AGBL4: variants seen among roughly 807,000 people sequenced by gnomAD.
AGBL4 encodes cytosolic carboxypeptidase 6.
A neutral mutation model predicts 66.4 loss-of-function variants in AGBL4; 58 were observed. The observed-to-expected ratio is 0.87, with a 90% CI of 0.71 to 1.09. The LOEUF (loss-of-function observed/expected upper bound fraction) is 1.09, where lower values mean the gene tolerates loss of function less well. AGBL4 is among the 50% of genes least tolerant of loss of function. AGBL4 has a pLI of 0.00. For missense variants in AGBL4, 579 were observed against 631.0 expected (o/e 0.92, Z 0.88); for synonymous variants, 234 against 222.9 (o/e 1.05, Z -0.44).
intron 4 of AGBL4, among the ~76,000 whole-genome samples, chr1:49,183,642 A>G (rs955002287): frequency 6.6e-6 from 1 of 152,168 alleles, no homozygotes; most frequent in Admixed American, 6.5e-5. Flanking sequence ...CCACCCACAC[A>G]ATAGATGCAT....
intron 2 of AGBL4, among the ~76,000 whole-genome samples, chr1:49,790,398 C>T (rs890057877): frequency 6.6e-6 from 1 of 150,590 alleles, no homozygotes; most frequent in South Asian, 2.1e-4. Context: ...TCAGTAAACC[C>T]CAAGCAAGGC....
chr1:49,343,037 T>G (rs1645571517), intron 3 of AGBL4, among the ~76,000 whole-genome samples: 1 of 152,198 alleles, frequency 6.6e-6, no homozygotes, highest in Non-Finnish European at 1.5e-5. Context: ...AACCAAGCTA[T>G]ACATATATTT....
chr1:48,655,480 T>G (rs1320462035), intron 7 of AGBL4, among the ~76,000 whole-genome samples: 1 of 152,192 alleles, frequency 6.6e-6, no homozygotes, highest in Non-Finnish European at 1.5e-5. Context: ...GACCTGAGTT[T>G]GAATCTTAAC....
chr1:49,650,892 C>A (rs563631723), intron 3 of AGBL4, among the ~76,000 whole-genome samples: 1 of 152,286 alleles, frequency 6.6e-6, no homozygotes, highest in Admixed American at 6.5e-5. Context: ...CTGCTGGGGG[C>A]TGACATGAGT....
At chr1:49,283,234 C>G (rs1006901020) in intron 3 of AGBL4, among the ~76,000 whole-genome samples, 1 of 152,204 alleles carries the variant, frequency 6.6e-6, no homozygotes, top group Non-Finnish European at 1.5e-5. Flanking sequence ...AGCAGCCTAA[C>G]TGGGAGGCAC....
At position 48,596,348 on chromosome 1, in the gene AGBL4, C is replaced by T. The variant is rs149615736; in HGVS notation, c.952-5363G>A. On this transcript the variant is annotated intron_variant, in intron 9 of 13. Transcript: ENST00000371839. ...GAGGAGCAAGAAGTGTTGGAGAACT[C>T]CCAGACACATTCCTCCTTCAGATTT... is the stretch of plus-strand genomic sequence containing the variant. Among the ~76,000 whole-genome samples, 893 of 152,226 alleles carry T rather than the reference C, an allele frequency of 5.9e-3. 23 individuals carry two copies. In the South Asian group the frequency reaches 0.077, roughly 13 times the overall value.
At chr1:49,873,722 C>A (rs1418842342) in intron 1 of AGBL4, among the ~76,000 whole-genome samples, 1 of 151,948 alleles carries the variant, frequency 6.6e-6, no homozygotes, top group Non-Finnish European at 1.5e-5. Context: ...TTGAAGCCCT[C>A]AAAATCATCT....
At chr1:49,703,066 A>C (rs961744462) in intron 2 of AGBL4, among the ~76,000 whole-genome samples, 1 of 152,122 alleles carries the variant, frequency 6.6e-6, no homozygotes, top group Non-Finnish European at 1.5e-5. Flanking sequence ...TCTATTCAAA[A>C]TTGTTGTGGA....
intron 9 of AGBL4, among the ~76,000 whole-genome samples, chr1:48,622,576 C>T (rs555616165): frequency 2.0e-5 from 3 of 148,430 alleles, no homozygotes; most frequent in East Asian, 2.0e-4. Context: ...CTCTGCCTCC[C>T]GGGTTCAAGG....
intron 6 of AGBL4, among the ~76,000 whole-genome samples, chr1:48,745,266 A>G (rs1650561259): frequency 6.6e-6 from 1 of 152,166 alleles, no homozygotes; most frequent in Admixed American, 6.5e-5. Flanking sequence ...GGGTAGAGGC[A>G]TGGACAGGTG....
At chr1:49,850,795 A>AT (rs1646284470) in intron 2 of AGBL4, among the ~76,000 whole-genome samples, 1 of 152,136 alleles carries the variant, frequency 6.6e-6, no homozygotes, top group Non-Finnish European at 1.5e-5. Context: ...TATTTTCAAC[A>AT]TATTCTGAGT....
rs1388303758 is a variant in AGBL4, at chr1:49,950,000, A to G, written c.34+73763T>C. The stretch of plus-strand genomic sequence containing the variant: ...CACACATATGTATATATATATGTGT[A>G]TATATATATACACACACATATGTGT... On this transcript the variant is annotated intron_variant, in intron 1 of 13. Coordinates refer to ENST00000371839, the MANE Select transcript of AGBL4 (RefSeq NM_032785.4). Among the ~76,000 whole-genome samples, 17 of 88,376 alleles carry G rather than the reference A, an allele frequency of 1.9e-4. No individual in the cohort carries two copies. The South Asian group carries it at 2.0e-3, about 11-fold the overall frequency. 58.0% of individuals were successfully genotyped at this position (88,376 alleles called of 152,430 possible). A position where few individuals can be genotyped will look rare whatever the true frequency, so the allele number is the denominator to read the frequency against.
chr1:49,151,338 T>C (rs955141899), intron 4 of AGBL4, among the ~76,000 whole-genome samples: 1 of 150,348 alleles, frequency 6.7e-6, no homozygotes, highest in African/African-American at 2.4e-5. Flanking sequence ...AAACAAAACC[T>C]AGGAGATTCA....
rs149500343 is a variant in AGBL4, at chr1:48,653,236, C to T, written c.839+101G>A. The T allele has an allele frequency of 1.6e-5, 14 of 894,886 alleles. No homozygotes were observed. The African/African-American group carries it at 2.0e-4, about 13-fold the overall frequency. 55.4% of individuals were successfully genotyped at this position (894,886 alleles called of 1,614,324 possible). A position where few individuals can be genotyped will look rare whatever the true frequency, so the allele number is the denominator to read the frequency against. On this transcript the variant is annotated intron_variant, in intron 8 of 13. Transcript: ENST00000371839. ...CTTTCTCTAATGAACTCATGGGCAG[C>T]CTCAAAATTCTTCCTCAAAAAATAT...
chr1:49,093,876 A>G (rs1012833423), intron 4 of AGBL4, among the ~76,000 whole-genome samples: 4 of 152,160 alleles, frequency 2.6e-5, no homozygotes, highest in Admixed American at 6.6e-5. Context: ...ATTTAGTGAC[A>G]AAAGCTTACC....
At chr1:48,656,316 G>A (rs965694542) in intron 7 of AGBL4, among the ~76,000 whole-genome samples, 9 of 152,350 alleles carry the variant, frequency 5.9e-5, no homozygotes, top group Middle Eastern at 6.8e-3. Flanking sequence ...TGGGCACATA[G>A]TAGGTGCTTA....
chr1:49,933,565 A>C (rs1219870707), intron 1 of AGBL4, among the ~76,000 whole-genome samples: 1 of 152,144 alleles, frequency 6.6e-6, no homozygotes, highest in African/African-American at 2.4e-5. Context: ...AATTTAAAAA[A>C]CAATATTAAG....
intron 6 of AGBL4, among the ~76,000 whole-genome samples, chr1:48,863,851 G>T (rs929535293): frequency 6.6e-6 from 1 of 152,056 alleles, no homozygotes; most frequent in Non-Finnish European, 1.5e-5. Flanking sequence ...AATTTTAGAA[G>T]TAAATACAGG....
intron 2 of AGBL4, among the ~76,000 whole-genome samples, chr1:49,834,419 T>C (rs7532746): frequency 0.69 from 104,373 of 152,032 alleles, 36,599 homozygotes; most frequent in African/African-American, 0.79. Context: ...CTGTGGGATC[T>C]GTGGTGATAT....
Sources: allele counts gnomAD v4.1 joint callset (sites outside exome capture counted in the v4.1 genomes callset), GRCh38; gene constraint gnomAD v4.1.1; transcripts MANE v1.5; gene names NCBI Gene and HGNC (gene_info 2026-07-23, HGNC 2026-07-21).